NCAM2: variants seen among roughly 807,000 people sequenced by gnomAD.
The protein encoded by NCAM2 is N-CAM-2.
Under a neutral mutation model 98.1 loss-of-function variants are expected in NCAM2, and 30 were observed. That is an observed-to-expected ratio of 0.31 (90% CI 0.23 to 0.41). NCAM2 has a LOEUF of 0.41. NCAM2 is among the 10% of genes least tolerant of loss of function. NCAM2 has a pLI of 1.00. For synonymous variants in NCAM2, 368 were observed against 342.4 expected, an observed-to-expected ratio of 1.07 and a Z score of -0.83; for missense variants, 867 against 1,005.8, an observed-to-expected ratio of 0.86 and a Z score of 1.87.
intron 8 of NCAM2, among the ~76,000 whole-genome samples, chr21:21,362,690 A>AAAACTTAAATAGT (rs779447986): frequency 6.2e-4 from 94 of 152,348 alleles, no homozygotes; most frequent in Middle Eastern, 6.8e-3. Flanking sequence ...TAAATTCAGT[A>AAAACTTAAATAGT]AAAACTATTT....
At chr21:21,331,152 A>G (rs2074665371) in intron 6 of NCAM2, among the ~76,000 whole-genome samples, 1 of 151,490 alleles carries the variant, frequency 6.6e-6, no homozygotes, top group Non-Finnish European at 1.5e-5. Flanking sequence ...CTCTTGTTTT[A>G]TTTATTTTTT....
At chr21:21,467,739 C>A (rs1361736612) in intron 13 of NCAM2, among the ~76,000 whole-genome samples, 1 of 134,170 alleles carries the variant, frequency 7.5e-6, no homozygotes, top group African/African-American at 2.9e-5. Context: ...GTACTCCCAG[C>A]TACTTGGGAG....
chr21:21,476,802 C>G (rs1985227096), intron 14 of NCAM2, among the ~76,000 whole-genome samples: 3 of 151,586 alleles, frequency 2.0e-5, no homozygotes, highest in Non-Finnish European at 4.4e-5. Context: ...TAAAAAATAC[C>G]AGTGATAATA....
chr21:21,237,062 C>G (rs1407109583), intron 1 of NCAM2, among the ~76,000 whole-genome samples: 1 of 152,044 alleles, frequency 6.6e-6, no homozygotes, highest in Non-Finnish European at 1.5e-5. Flanking sequence ...CCTGCTTTCT[C>G]TGCTTTTCAG....
intron 2 of NCAM2, among the ~76,000 whole-genome samples, chr21:21,283,925 A>C (rs773630962): frequency 6.6e-6 from 1 of 151,938 alleles, no homozygotes; most frequent in Non-Finnish European, 1.5e-5. Context: ...AAATTTCAAC[A>C]ATCATAGCTT....
chr21:21,490,429 T>G (rs930119592), intron 15 of NCAM2, among the ~76,000 whole-genome samples: 1 of 151,988 alleles, frequency 6.6e-6, no homozygotes, highest in African/African-American at 2.4e-5. Flanking sequence ...TTTAGATATA[T>G]TGAAAGTTCT....
chr21:21,065,209 A>AAAAAAC (rs2065410564), intron 1 of NCAM2, among the ~76,000 whole-genome samples: 1 of 151,944 alleles, frequency 6.6e-6, no homozygotes, highest in Non-Finnish European at 1.5e-5. Context: ...AAACAAAAAA[A>AAAAAAC]CAAAACAAAA....
intron 17 of NCAM2, among the ~76,000 whole-genome samples, chr21:21,536,416 A>G (rs1989985223): frequency 6.9e-6 from 1 of 145,582 alleles, no homozygotes; most frequent in Non-Finnish European, 1.5e-5. Context: ...TTCCGAGACT[A>G]GTTTCGCTCT....
chr21:21,276,580 C>A (rs1304515436), intron 1 of NCAM2, among the ~76,000 whole-genome samples: 5 of 151,932 alleles, frequency 3.3e-5, no homozygotes, highest in Admixed American at 6.6e-5. Flanking sequence ...ATTTAGTTTT[C>A]TTCTGGCTGC....
At chr21:21,452,421 C>A (rs2146137077) in intron 12 of NCAM2, among the ~76,000 whole-genome samples, 1 of 144,426 alleles carries the variant, frequency 6.9e-6, no homozygotes, top group East Asian at 2.0e-4. Flanking sequence ...GAAAGTAATA[C>A]AATGTCTTCA....
chr21:21,354,339 C>CA (rs2075415633), intron 8 of NCAM2, among the ~76,000 whole-genome samples: 1 of 152,168 alleles, frequency 6.6e-6, no homozygotes, highest in African/African-American at 2.4e-5. Context: ...ATTTGATAAC[C>CA]AGCTTCATCT....
At chr21:21,462,505 T>C (rs1373721168) in intron 12 of NCAM2, among the ~76,000 whole-genome samples, 2 of 151,968 alleles carry the variant, frequency 1.3e-5, no homozygotes, top group Non-Finnish European at 2.9e-5. Context: ...CAAAAAATTA[T>C]TTTGTGTAGT....
chr21:21,332,112 C>G (rs2074728028), intron 6 of NCAM2, among the ~76,000 whole-genome samples: 1 of 151,712 alleles, frequency 6.6e-6, no homozygotes, highest in Admixed American at 6.6e-5. Flanking sequence ...ACCATATTGG[C>G]CAGGCTGATC....
At chr21:21,305,581 C>G (rs1273772626) in intron 5 of NCAM2, among the ~76,000 whole-genome samples, 1 of 82,976 alleles carries the variant, frequency 1.2e-5, no homozygotes, top group African/African-American at 4.6e-5. Context: ...AGAAACTGAC[C>G]TTTTCCTAAA....
intron 1 of NCAM2, among the ~76,000 whole-genome samples, chr21:21,195,367 C>G (rs1165540536): frequency 6.6e-6 from 1 of 152,118 alleles, no homozygotes; most frequent in Non-Finnish European, 1.5e-5. Flanking sequence ...GAGTATGTAT[C>G]TCATCCATAA....
At chr21:21,192,051 G>A (rs1342676619) in intron 1 of NCAM2, among the ~76,000 whole-genome samples, 5 of 152,084 alleles carry the variant, frequency 3.3e-5, no homozygotes, top group African/African-American at 4.8e-5. Flanking sequence ...GTGAAACCCC[G>A]CTTCTACTAA....
At chr21:21,359,614 G>C (rs767155147) in intron 8 of NCAM2, among the ~76,000 whole-genome samples, 1 of 151,844 alleles carries the variant, frequency 6.6e-6, no homozygotes, top group Non-Finnish European at 1.5e-5. Context: ...ACAATTTTAT[G>C]ATAGTTGTTT....
chr21:21,183,954 G>A (rs2068558801), intron 1 of NCAM2, among the ~76,000 whole-genome samples: 1 of 152,076 alleles, frequency 6.6e-6, no homozygotes, highest in Non-Finnish European at 1.5e-5. Flanking sequence ...GGGATTGAAT[G>A]CTGACCACTA....
At chr21:21,407,054 A>G (rs1191983715) in intron 9 of NCAM2, among the ~76,000 whole-genome samples, 1 of 152,146 alleles carries the variant, frequency 6.6e-6, no homozygotes, top group Non-Finnish European at 1.5e-5. Flanking sequence ...CATGATGTAA[A>G]GGGCCTTCCT....
Sources: gnomAD v4.1 joint callset for allele counts (sites outside exome capture counted in the v4.1 genomes callset) on GRCh38, gnomAD v4.1.1 for gene constraint, MANE v1.5 for transcripts, NCBI Gene and HGNC (gene_info 2026-07-23, HGNC 2026-07-21) for gene names.